The following ASPH variants were observed in gnomAD, a reference collection of about 807,000 sequenced individuals.
The protein encoded by ASPH is aspartyl/asparaginyl beta-hydroxylase.
Under a neutral mutation model 118.4 loss-of-function variants are expected in ASPH, and 100 were observed. The ratio of observed to expected loss-of-function variants is 0.84; its 90% confidence interval spans 0.72 to 1.00. The LOEUF (loss-of-function observed/expected upper bound fraction) is 1.00, where lower values mean the gene tolerates loss of function less well. ASPH is among the 50% of genes least tolerant of loss of function. The pLI is 0.00. For synonymous variants in ASPH, 315 were observed against 325.6 expected, an observed-to-expected ratio of 0.97 and a Z score of 0.35; for missense variants, 920 against 919.5, an observed-to-expected ratio of 1.00 and a Z score of -0.01.
chr8:61,674,468 C>T (rs1373312345), intron 3 of ASPH, among the ~76,000 whole-genome samples: 4 of 152,138 alleles, frequency 2.6e-5, no homozygotes, highest in Admixed American at 6.6e-5. Flanking sequence ...CCCATTAGTG[C>T]AGGCAAGACA....
intron 1 of ASPH, among the ~76,000 whole-genome samples, chr8:61,713,881 T>C (rs1023189484): frequency 2.0e-5 from 3 of 152,194 alleles, no homozygotes; most frequent in African/African-American, 7.2e-5. Flanking sequence ...TCACTTTCCC[T>C]GACTTTGGCT....
intron 1 of ASPH, chr8:61,689,809 A>G: frequency 6.8e-7 from 1 of 1,479,436 alleles, no homozygotes; most frequent in Non-Finnish European, 9.0e-7. Flanking sequence ...AGAGCTTGAG[A>G]CTGGCCAATC....
At chr8:61,664,665 G>T (rs930819390) in intron 3 of ASPH, 16 of 986,052 alleles carry the variant, frequency 1.6e-5, no homozygotes, top group Non-Finnish European at 1.9e-5. Flanking sequence ...ACTAGAAAAG[G>T]GGAGATAAGA....
chr8:61,601,736 G>A (rs970165086), intron 14 of ASPH, among the ~76,000 whole-genome samples: 5 of 151,132 alleles, frequency 3.3e-5, no homozygotes, highest in Admixed American at 2.0e-4. Context: ...CCACCAGACC[G>A]ATCAAGAAAA....
At chr8:61,507,035 C>T (rs895307449) in intron 24 of ASPH, among the ~76,000 whole-genome samples, 5 of 152,244 alleles carry the variant, frequency 3.3e-5, no homozygotes, top group African/African-American at 1.2e-4. Flanking sequence ...TTCTAGCCCA[C>T]ACAAAATGAC....
chr8:61,576,656 G>A (rs1173973385), intron 16 of ASPH, 116 bp downstream of exon 16: 40 of 856,948 alleles, frequency 4.7e-5, no homozygotes, highest in African/African-American at 1.7e-5. Flanking sequence ...GCATATACAT[G>A]AGAAACTGAT....
intron 24 of ASPH, among the ~76,000 whole-genome samples, chr8:61,511,984 A>G (rs1809035836): frequency 6.6e-6 from 1 of 152,220 alleles, no homozygotes; most frequent in South Asian, 2.1e-4. Flanking sequence ...GGAAACTCCC[A>G]GCTGCTTTCT....
intron 15 of ASPH, chr8:61,578,412 G>T (rs562082071): frequency 6.2e-7 from 1 of 1,603,766 alleles, no homozygotes; most frequent in Non-Finnish European, 8.5e-7. Context: ...AGGCATCACC[G>T]CAGTCATGGT....
chr8:61,590,263 G>C (rs183577534), intron 14 of ASPH, among the ~76,000 whole-genome samples: 3 of 152,220 alleles, frequency 2.0e-5, no homozygotes, highest in African/African-American at 4.8e-5. Flanking sequence ...TGCTGAGCCT[G>C]CTTCAAAAGC....
chr8:61,611,248 T>G (rs1383629427), intron 14 of ASPH, among the ~76,000 whole-genome samples: 3 of 152,186 alleles, frequency 2.0e-5, no homozygotes, highest in African/African-American at 7.2e-5. Context: ...ATTTCCCAAG[T>G]TTTTTGCTAT....
intron 1 of ASPH, among the ~76,000 whole-genome samples, chr8:61,698,177 G>A (rs945226398): frequency 6.6e-6 from 1 of 152,208 alleles, no homozygotes; most frequent in Non-Finnish European, 1.5e-5. Flanking sequence ...GCAGTTCAGA[G>A]ACTCCAGGGC....
intron 1 of ASPH, among the ~76,000 whole-genome samples, chr8:61,708,042 T>C (rs1309879871): frequency 1.3e-5 from 2 of 152,104 alleles, no homozygotes; most frequent in Non-Finnish European, 2.9e-5. Flanking sequence ...ATGACTACCA[T>C]AAAATGTTTA....
chr8:61,508,059 G>T (rs1488354179), intron 24 of ASPH, among the ~76,000 whole-genome samples: 1 of 152,098 alleles, frequency 6.6e-6, no homozygotes, highest in Non-Finnish European at 1.5e-5. Context: ...CTGTCACCCA[G>T]GCTGGAGTGT....
chr8:61,713,702 T>C (rs1035664916), intron 1 of ASPH, among the ~76,000 whole-genome samples: 3 of 152,240 alleles, frequency 2.0e-5, no homozygotes, highest in Non-Finnish European at 4.4e-5. Context: ...CATTCTATTT[T>C]AAAGGCAACT....
At chr8:61,689,290 T>G (rs963178974) in intron 1 of ASPH, among the ~76,000 whole-genome samples, 1 of 152,132 alleles carries the variant, frequency 6.6e-6, no homozygotes, top group African/African-American at 2.4e-5. Context: ...TTCATTAATA[T>G]GAGACTGAAT....
intron 1 of ASPH, among the ~76,000 whole-genome samples, chr8:61,705,301 C>G (rs1274267484): frequency 6.6e-6 from 1 of 152,118 alleles, no homozygotes; most frequent in Admixed American, 6.6e-5. Context: ...AGGTATTAAG[C>G]TTATTACCTG....
intron 14 of ASPH, among the ~76,000 whole-genome samples, chr8:61,605,007 C>G (rs1439551475): frequency 1.3e-5 from 2 of 152,026 alleles, no homozygotes; most frequent in African/African-American, 4.8e-5. Flanking sequence ...GCTGTAACAC[C>G]CAAGGTAGAA....
chr8:61,585,076 G>A (rs1163335581), intron 14 of ASPH, among the ~76,000 whole-genome samples: 1 of 152,202 alleles, frequency 6.6e-6, no homozygotes, highest in Admixed American at 6.5e-5. Context: ...AACTCTTGCA[G>A]GGTGGTACCG....
chr8:61,648,016 A>G (rs1466008154), intron 5 of ASPH, among the ~76,000 whole-genome samples: 1 of 152,142 alleles, frequency 6.6e-6, no homozygotes, highest in Non-Finnish European at 1.5e-5. Flanking sequence ...AGTGCAGCTC[A>G]GGGATTAGGA....
Sources: gnomAD v4.1 joint callset for allele counts (sites outside exome capture counted in the v4.1 genomes callset) on GRCh38, gnomAD v4.1.1 for gene constraint, MANE v1.5 for transcripts, NCBI Gene and HGNC (gene_info 2026-07-23, HGNC 2026-07-21) for gene names.